The following IL1RAPL1 variants were observed in gnomAD, a reference collection of about 807,000 sequenced individuals.
IL1RAPL1 encodes interleukin 1 receptor accessory protein like 1, also known as interleukin-1 receptor accessory protein-like 1.
IL1RAPL1 carries 3 observed loss-of-function variants against 48.4 expected under a neutral mutation model. That is an observed-to-expected ratio of 0.06 (90% CI 0.03 to 0.16). The LOEUF is 0.16. IL1RAPL1 is among the 10% of genes least tolerant of loss of function. The probability of loss-of-function intolerance (pLI) is 1.00; values close to 1 mark genes in which losing one functional copy is unlikely to be tolerated. For synonymous variants in IL1RAPL1, 185 were observed against 187.7 expected, an observed-to-expected ratio of 0.99 and a Z score of 0.12; for missense variants, 349 against 530.6, an observed-to-expected ratio of 0.66 and a Z score of 3.36.
chrX:28,748,124 T>G (rs1050462058), intron 1 of IL1RAPL1, among the ~76,000 whole-genome samples: 1 of 112,431 alleles, frequency 8.9e-6, no homozygotes, highest in African/African-American at 3.2e-5. Context: ...ATGTCCTCTT[T>G]TTGTTTTCTA....
intron 6 of IL1RAPL1, among the ~76,000 whole-genome samples, chrX:29,755,829 G>A (rs1371115757): frequency 8.9e-6 from 1 of 112,105 alleles, no homozygotes; most frequent in African/African-American, 3.2e-5. Flanking sequence ...AGATTCGGAT[G>A]TCTCTATTAT....
intron 5 of IL1RAPL1, among the ~76,000 whole-genome samples, chrX:29,646,291 T>G (rs1925324262): frequency 9.0e-6 from 1 of 111,487 alleles, no homozygotes; most frequent in Non-Finnish European, 1.9e-5. Flanking sequence ...ACCCTGGAAC[T>G]GAAAGATATA....
intron 6 of IL1RAPL1, among the ~76,000 whole-genome samples, chrX:29,736,919 A>C (rs1253635456): frequency 1.8e-5 from 2 of 111,939 alleles, no homozygotes; most frequent in African/African-American, 6.5e-5. Context: ...AAGAAACTGC[A>C]TAAGAAGATA....
At chrX:29,444,570 A>G (rs1325287892) in intron 5 of IL1RAPL1, among the ~76,000 whole-genome samples, 4 of 110,542 alleles carry the variant, frequency 3.6e-5, no homozygotes, top group African/African-American at 1.3e-4. Context: ...CCTGGGTGTT[A>G]CAACGTAGAA....
chrX:29,735,414 C>T (rs1446304962), intron 6 of IL1RAPL1, among the ~76,000 whole-genome samples: 2 of 111,442 alleles, frequency 1.8e-5, no homozygotes, highest in East Asian at 5.6e-4. Flanking sequence ...TCTTAATTAC[C>T]CCTTGCCATC....
intron 6 of IL1RAPL1, among the ~76,000 whole-genome samples, chrX:29,830,923 C>A (rs867919862): frequency 1.8e-5 from 2 of 111,215 alleles, no homozygotes; most frequent in South Asian, 7.6e-4. Flanking sequence ...ATTGGCTTAT[C>A]CAAATAGGTT....
intron 3 of IL1RAPL1, among the ~76,000 whole-genome samples, chrX:29,384,201 T>C (rs745651176): frequency 1.8e-3 from 206 of 111,619 alleles, no homozygotes; most frequent in Non-Finnish European, 3.4e-3. Context: ...GATATCAATA[T>C]GCTAGAAGAG....
chrX:28,980,854 C>A lies in IL1RAPL1; in HGVS notation c.82+191429C>A, dbSNP rs185108429. 5.9e-4 allele frequency among the ~76,000 whole-genome samples: 64 copies of A among 108,202 alleles called. No homozygotes were observed. In the Middle Eastern group the frequency reaches 0.014, roughly 24 times the overall value. The allele number at this position is 108,202 out of a possible 115,157, so 94.0% of individuals were successfully genotyped here. A position where few individuals can be genotyped will look rare whatever the true frequency, so the allele number is the denominator to read the frequency against. ...CTGTAATCCCAGCACTTTGGGAGGTCAAAGCAGGAGGATCTCTTGAGCGCA... is the reference window on the plus strand; with the variant it reads ...CTGTAATCCCAGCACTTTGGGAGGTAAAAGCAGGAGGATCTCTTGAGCGCA... On this transcript the variant is annotated intron_variant, in intron 2 of 10. Transcript: ENST00000378993.
Position 29,279,594 on chromosome X carries a change from A to G in IL1RAPL1, c.83-3344A>G, listed in dbSNP as rs146185350. On this transcript the variant is annotated intron_variant, in intron 2 of 10. Transcript: ENST00000378993. The stretch of plus-strand genomic sequence containing the variant: ...GGTAGTAAAACCTCCTAAGCCATAG[A>G]TCCTCCCTCTGTTTCCATATTGAAA... Among the ~76,000 whole-genome samples the G allele has an allele frequency of 6.8e-3, 758 of 111,643 alleles. 10 individuals carry two copies. The highest frequency in any genetic ancestry group is 0.021 in the African/African-American group (652 of 30,740).
At chrX:29,155,581 C>A (rs1929552805) in intron 2 of IL1RAPL1, among the ~76,000 whole-genome samples, 1 of 111,823 alleles carries the variant, frequency 8.9e-6, no homozygotes, top group Admixed American at 9.5e-5. Flanking sequence ...AGTGGATGAC[C>A]TTTCTTATGC....
intron 6 of IL1RAPL1, among the ~76,000 whole-genome samples, chrX:29,906,351 AAC>A (rs1932618520): frequency 1.1e-5 from 1 of 92,275 alleles, no homozygotes; most frequent in Non-Finnish European, 2.1e-5. Context: ...ACAAACAAAC[AAC>A]AAAAAAAAAA....
chrX:29,227,278 T>A (rs1403461423), intron 2 of IL1RAPL1, among the ~76,000 whole-genome samples: 1 of 108,815 alleles, frequency 9.2e-6, no homozygotes, highest in Non-Finnish European at 1.9e-5. Flanking sequence ...AATAATTAAT[T>A]AGTAGTATTA....
chrX:29,145,814 C>T (rs1417697239), intron 2 of IL1RAPL1, among the ~76,000 whole-genome samples: 1 of 111,960 alleles, frequency 8.9e-6, no homozygotes. Context: ...TCTCTCTCAC[C>T]CATCATTTGA....
At chrX:29,154,294 C>T (rs746538716) in intron 2 of IL1RAPL1, among the ~76,000 whole-genome samples, 4 of 111,564 alleles carry the variant, frequency 3.6e-5, no homozygotes, top group Non-Finnish European at 7.5e-5. Flanking sequence ...AATCCCAGCA[C>T]TTTGGGAGGC....
intron 6 of IL1RAPL1, among the ~76,000 whole-genome samples, chrX:29,831,709 C>T (rs1369715120): frequency 3.6e-5 from 4 of 111,380 alleles, no homozygotes; most frequent in Admixed American, 9.6e-5. Flanking sequence ...AAAGAGCATA[C>T]TTAAGTCCTG....
At chrX:29,885,682 G>T (rs761951143) in intron 6 of IL1RAPL1, among the ~76,000 whole-genome samples, 1 of 111,381 alleles carries the variant, frequency 9.0e-6, no homozygotes, top group Admixed American at 9.5e-5. Flanking sequence ...AGCTGAGTGT[G>T]GTGGCATGCA....
At chrX:29,259,999 T>C (rs1004856595) in intron 2 of IL1RAPL1, among the ~76,000 whole-genome samples, 3 of 112,094 alleles carry the variant, frequency 2.7e-5, no homozygotes, top group South Asian at 3.6e-4. Flanking sequence ...CTTTTTCCCA[T>C]GAGAGTTATT....
intron 5 of IL1RAPL1, among the ~76,000 whole-genome samples, chrX:29,606,917 A>C (rs781281960): frequency 1.8e-5 from 2 of 111,842 alleles, no homozygotes; most frequent in African/African-American, 3.2e-5. Flanking sequence ...GCAGGATGTG[A>C]CCTATAAGGG....
At chrX:29,700,898 C>A (rs150029412) in intron 6 of IL1RAPL1, among the ~76,000 whole-genome samples, 1 of 111,543 alleles carries the variant, frequency 9.0e-6, no homozygotes, top group South Asian at 3.7e-4. Flanking sequence ...TTTGGTAAGA[C>A]GGAAAATTCC....
Sources: gnomAD v4.1 joint callset for allele counts (sites outside exome capture counted in the v4.1 genomes callset) on GRCh38, gnomAD v4.1.1 for gene constraint, MANE v1.5 for transcripts, NCBI Gene and HGNC (gene_info 2026-07-23, HGNC 2026-07-21) for gene names.